ROBO2: variants seen among roughly 807,000 people sequenced by gnomAD.
The protein encoded by ROBO2 is roundabout guidance receptor 2.
ROBO2 carries 53 observed loss-of-function variants against 160.8 expected under a neutral mutation model. The ratio of observed to expected loss-of-function variants is 0.33; its 90% CI spans 0.26 to 0.41. The LOEUF (loss-of-function observed/expected upper bound fraction) is 0.41. ROBO2 is among the 10% of genes least tolerant of loss of function. ROBO2 has a pLI of 1.00. For missense variants in ROBO2, 1,577 were observed against 1,722.4 expected (o/e 0.92, Z 1.49); for synonymous variants, 664 against 611.7 (o/e 1.09, Z -1.26).
intron 8 of ROBO2, 86 bp downstream of exon 9, chr3:77,551,075 G>A: frequency 7.1e-7 from 1 of 1,411,200 alleles, no homozygotes; most frequent in South Asian, 1.2e-5. Flanking sequence ...TTGCTGATTT[G>A]TTAAATCATT....
chr3:76,177,704 A>G (rs1280634928), intron 2 of ROBO2, among the ~76,000 whole-genome samples: 2 of 152,082 alleles, frequency 1.3e-5, no homozygotes, highest in Admixed American at 6.6e-5. Flanking sequence ...TATTTCTTTT[A>G]TATCGTCCCT....
intron 2 of ROBO2, among the ~76,000 whole-genome samples, chr3:77,018,009 A>C (rs1437838058): frequency 6.6e-6 from 1 of 152,152 alleles, no homozygotes; most frequent in Non-Finnish European, 1.5e-5. Flanking sequence ...CCTATCCCAA[A>C]TCTCGTGATA....
At chr3:76,691,730 G>T (rs77873210) in intron 2 of ROBO2, among the ~76,000 whole-genome samples, 1 of 152,104 alleles carries the variant, frequency 6.6e-6, no homozygotes, top group Non-Finnish European at 1.5e-5. Flanking sequence ...AGAGTGACTT[G>T]CAGGTTGAAA....
intron 5 of ROBO2, among the ~76,000 whole-genome samples, chr3:77,513,375 C>T (rs138954418): frequency 6.6e-6 from 1 of 151,850 alleles, no homozygotes; most frequent in African/African-American, 2.4e-5. Context: ...TGCCAGTTTT[C>T]AATTCCTGTT....
At chr3:76,147,757 G>A (rs1577053327) in intron 2 of ROBO2, among the ~76,000 whole-genome samples, 1 of 151,860 alleles carries the variant, frequency 6.6e-6, no homozygotes, top group Admixed American at 6.6e-5. Context: ...AGTATTATGG[G>A]GCATTAGAAA....
chr3:76,504,718 C>T (rs541860510), intron 2 of ROBO2, among the ~76,000 whole-genome samples: 10 of 151,592 alleles, frequency 6.6e-5, no homozygotes, highest in Admixed American at 4.6e-4. Flanking sequence ...TTAGTAGAGA[C>T]GGGGTTTCAC....
intron 2 of ROBO2, among the ~76,000 whole-genome samples, chr3:76,129,641 G>A (rs574782024): frequency 1.3e-5 from 2 of 152,176 alleles, no homozygotes; most frequent in South Asian, 2.1e-4. Flanking sequence ...TCTAAGTTAT[G>A]TAAATGAAAG....
In ROBO2 at chr3:76,990,463, T is replaced by TA. The variant is rs543666966; in HGVS notation, c.110-107544dup. On this transcript the variant is annotated intron_variant, in intron 2 of 26. Transcript: ENST00000487694. The stretch of plus-strand genomic sequence containing the variant: ...GCTCTACCTAATGTTGACAGTTTTT[T>TA]AAAAAAACCTTGATATTCAGAATAT... Among the ~76,000 whole-genome samples the TA allele has an allele frequency of 1.6e-4, 25 of 152,248 alleles. No individual in the cohort carries two copies. In the South Asian group the frequency reaches 4.6e-3, roughly 28 times the overall value.
intron 2 of ROBO2, among the ~76,000 whole-genome samples, chr3:76,817,060 G>A (rs1291902272): frequency 1.3e-5 from 2 of 151,972 alleles, no homozygotes; most frequent in Non-Finnish European, 2.9e-5. Context: ...ATCAAACACT[G>A]GAGAGTGTGG....
At chr3:77,122,439 C>T (rs377655361) in intron 2 of ROBO2, among the ~76,000 whole-genome samples, 5 of 152,132 alleles carry the variant, frequency 3.3e-5, no homozygotes, top group Non-Finnish European at 5.9e-5. Flanking sequence ...AGTGTTGCCC[C>T]GGCAAAGAGC....
rs549809705 is a variant in ROBO2 at position 76,621,118 on chromosome 3, T to C, written c.110-476896T>C. 1.4e-4 allele frequency among the ~76,000 whole-genome samples: 21 copies of C among 145,800 alleles called. No homozygotes were observed. The East Asian group carries it at 3.8e-3, about 27-fold the overall frequency. ...ACCTCCTAAACACATACACATATCT[T>C]TTTTAGTTTATGCTTTTTTTTTTTT... On this transcript the variant is annotated intron_variant, in intron 2 of 26. Coordinates refer to the ROBO2 transcript ENST00000487694.
At chr3:76,605,731 T>A (rs528758800) in intron 2 of ROBO2, among the ~76,000 whole-genome samples, 1 of 152,250 alleles carries the variant, frequency 6.6e-6, no homozygotes, top group South Asian at 2.1e-4. Context: ...AATTAAAGAA[T>A]AAGTAGCACA....
intron 2 of ROBO2, among the ~76,000 whole-genome samples, chr3:77,268,935 A>G (rs1349416476): frequency 6.6e-6 from 1 of 152,168 alleles, no homozygotes; most frequent in Non-Finnish European, 1.5e-5. Flanking sequence ...TATGTTTGTA[A>G]TAATTAGCTT....
Position 76,656,319 on chromosome 3 carries a change from C to G in ROBO2, c.110-441695C>G, listed in dbSNP as rs144880398. ...TGAAAATTGTTTATATTTTGTGTTC[C>G]CATCAAAACATTATTATATCCTTCG... On this transcript the variant is annotated intron_variant, in intron 2 of 26. Coordinates refer to the ROBO2 transcript ENST00000487694. 8.8e-4 allele frequency among the ~76,000 whole-genome samples: 134 copies of G among 152,074 alleles called. 3 individuals carry two copies. Among genetic ancestry groups the G allele is most frequent in the African/African-American group, 3.1e-3 (130 of 41,468 alleles).
intron 24 of ROBO2, among the ~76,000 whole-genome samples, chr3:77,638,219 A>G (rs1356360812): frequency 6.6e-6 from 1 of 152,232 alleles, no homozygotes; most frequent in Non-Finnish European, 1.5e-5. Context: ...TTTTTATGTA[A>G]AAATCAAGTT....
At chr3:77,558,716 G>A (rs574998165) in intron 9 of ROBO2, among the ~76,000 whole-genome samples, 39 of 152,118 alleles carry the variant, frequency 2.6e-4, no homozygotes, top group Non-Finnish European at 4.6e-4. Context: ...TAAAAAATGA[G>A]CATTCCTGGC....
chr3:77,617,858 G>A (rs991647065), intron 22 of ROBO2, 85 bp downstream of exon 23: 116 of 1,386,784 alleles, frequency 8.4e-5, no homozygotes, highest in Non-Finnish European at 1.0e-4. Context: ...GATTCTGATA[G>A]AACTACACAG....
At chr3:77,482,320 T>A (rs1264361371) in intron 4 of ROBO2, among the ~76,000 whole-genome samples, 1 of 152,184 alleles carries the variant, frequency 6.6e-6, no homozygotes, top group Non-Finnish European at 1.5e-5. Context: ...AAGCCCTGCA[T>A]AGGTCCCCAG....
chr3:77,121,092 C>G (rs2074717680), intron 2 of ROBO2, among the ~76,000 whole-genome samples: 1 of 152,008 alleles, frequency 6.6e-6, no homozygotes, highest in African/African-American at 2.4e-5. Context: ...TTACAGGCAC[C>G]TGCCACCATG....
Sources: gnomAD v4.1 joint callset for allele counts (sites outside exome capture counted in the v4.1 genomes callset) on GRCh38, gnomAD v4.1.1 for gene constraint, MANE v1.5 for transcripts, NCBI Gene and HGNC (gene_info 2026-07-23, HGNC 2026-07-21) for gene names.